The following GCN1 variants were observed in gnomAD, a reference collection of about 807,000 sequenced individuals.
GCN1 encodes the protein GCN1 activator of EIF2AK4.
Under a neutral mutation model 288.4 loss-of-function variants are expected in GCN1, and 90 were observed. The ratio of observed to expected loss-of-function variants is 0.31; its 90% CI spans 0.26 to 0.37. The LOEUF is 0.37. Among genes scored for constraint, GCN1 ranks in the 10% least tolerant of loss-of-function variants. GCN1 has a pLI of 1.00. For synonymous variants in GCN1, 1,386 were observed against 1,420.2 expected (o/e 0.98, Z 0.54); for missense variants, 2,586 against 3,419.9 (o/e 0.76, Z 6.08).
chr12:120,130,347 T>G (rs889233084), intron 56 of GCN1, among the ~76,000 whole-genome samples: 1 of 152,220 alleles, frequency 6.6e-6, no homozygotes, highest in African/African-American at 2.4e-5. Context: ...AACCCAGGTC[T>G]GTATCTAATT....
rs546042907 is a variant in GCN1 at position 120,156,518 on chromosome 12, G to C, written c.3255C>G (p.Asp1085Glu). ...GCAFAEQEEVDVLLCALQSPC... is the reference protein window; with the variant it reads ...GCAFAEQEEVEVLLCALQSPC... ...GGGACTGCAAGGCACAGAGCAGCAC[G>C]TCCACCTCCTCCTGCTCTGCAAAGG... Residue 1085 changes from aspartate (D) to glutamate (E), a missense_variant, in exon 28 of 58, where the codon GAC becomes GAG. Asp to Glu is a conservative substitution (Grantham distance 45). Coordinates refer to ENST00000300648, the MANE Select transcript of GCN1 (RefSeq NM_006836.2). The surrounding 1 kb of genome is among the most constrained non-coding windows in gnomAD (Gnocchi z 5.8). 2 of 1,614,026 alleles carry C rather than the reference G, an allele frequency of 1.2e-6. No homozygotes were observed. Among genetic ancestry groups the C allele is most frequent in the Non-Finnish European group, 1.7e-6 (2 of 1,179,956 alleles).
At chr12:120,190,521 C>A (rs1401861375) in intron 1 of GCN1, 121 bp from the exon 2 acceptor site, 2 of 665,936 alleles carry the variant, frequency 3.0e-6, no homozygotes, top group Non-Finnish European at 5.4e-6. Context: ...AACCTCCCCA[C>A]TGGTGACATT....
chr12:120,129,518 C>T (rs1876743123), intron 56 of GCN1, 24 bp from the exon 57 acceptor site: 1 of 1,549,240 alleles, frequency 6.5e-7, no homozygotes, highest in East Asian at 2.2e-5. Context: ...CACAAACAGG[C>T]TTTTGGATAG....
chr12:120,177,394 A>C, intron 9 of GCN1, 53 bp downstream of exon 9: 1 of 860,258 alleles, frequency 1.2e-6, no homozygotes, highest in Non-Finnish European at 2.0e-6. Flanking sequence ...TATCGAGAAT[A>C]GAGATATAGG....
At chr12:120,174,912 C>T (rs1426910255) in intron 12 of GCN1, among the ~76,000 whole-genome samples, 4 of 151,074 alleles carry the variant, frequency 2.6e-5, no homozygotes, top group South Asian at 2.1e-4. Context: ...GATCACTTGA[C>T]GCCAGGAGTT....
chr12:120,177,409 T>G (rs1878515067), intron 9 of GCN1, 38 bp downstream of exon 9: 1 of 1,013,806 alleles, frequency 9.9e-7, no homozygotes, highest in Non-Finnish European at 1.6e-6. Context: ...TATAGGCAAC[T>G]CATCTCCCTC....
At chr12:120,160,794 C>T (rs76114023) in intron 22 of GCN1, among the ~76,000 whole-genome samples, 9 of 152,282 alleles carry the variant, frequency 5.9e-5, no homozygotes, top group African/African-American at 1.7e-4. Context: ...CCTGCCCTCA[C>T]GGAGCTCACA....
intron 1 of GCN1, 93 bp downstream of exon 1, chr12:120,194,587 G>A (rs1318486605): frequency 2.6e-6 from 3 of 1,154,696 alleles, no homozygotes; most frequent in East Asian, 6.0e-5. Context: ...CACCTCCAAC[G>A]CCCCTAAGCC....
Position 120,130,634 on chromosome 12 carries a change from G to T in GCN1, c.7671+12C>A. 1 of 1,567,630 alleles carries T rather than the reference G, an allele frequency of 6.4e-7. No individual in the cohort carries two copies. Among genetic ancestry groups the T allele is most frequent in the Non-Finnish European group, 8.8e-7 (1 of 1,137,722 alleles). On this transcript the variant is annotated intron_variant, in intron 56 of 57. Coordinates refer to ENST00000300648, the MANE Select transcript of GCN1 (RefSeq NM_006836.2). ...GTGTTAGGGCTTAAACACATGCTTGGCCCCCACTCACCTTAACGAACAGGC... is the reference window on the plus strand; with the variant it reads ...GTGTTAGGGCTTAAACACATGCTTGTCCCCCACTCACCTTAACGAACAGGC...
At chr12:120,170,450 A>C in intron 14 of GCN1, 129 bp from the exon 15 acceptor site, 67 of 768,220 alleles carry the variant, frequency 8.7e-5, no homozygotes, top group Middle Eastern at 3.8e-4. Flanking sequence ...CAAATATCTC[A>C]AAAAGAAGTG....
At position 120,131,810 on chromosome 12, in the gene GCN1, G is replaced by C. The variant is rs1350563679; in HGVS notation, c.7414+116C>G. 1.1e-5 allele frequency: 8 copies of C among 701,030 alleles called. No individual in the cohort carries two copies. The South Asian group carries it at 1.3e-4, about 12-fold the overall frequency. The allele number at this position is 701,030 out of a possible 1,614,324, so 43.4% of individuals were successfully genotyped here. A position where few individuals can be genotyped will look rare whatever the true frequency, so the allele number is the denominator to read the frequency against. ...TTGCTTTAACTGCTGGATTCCCAAGGAAAGGACAGTCCAGTTGCTAAAAGA... is the reference window on the plus strand; with the variant it reads ...TTGCTTTAACTGCTGGATTCCCAAGCAAAGGACAGTCCAGTTGCTAAAAGA... On this transcript the variant is annotated intron_variant, in intron 54 of 57. Coordinates refer to ENST00000300648, the MANE Select transcript of GCN1 (RefSeq NM_006836.2).
In GCN1 at chr12:120,148,104, A is replaced by G. The variant is rs1389204196; in HGVS notation, c.4726+63T>C. 11 of 1,202,284 alleles carry G rather than the reference A, an allele frequency of 9.1e-6. No individual in the cohort carries two copies. In the East Asian group the frequency reaches 9.4e-5, roughly 10 times the overall value. The allele number at this position is 1,202,284 out of a possible 1,614,324, so 74.5% of individuals were successfully genotyped here. A position where few individuals can be genotyped will look rare whatever the true frequency, so the allele number is the denominator to read the frequency against. ...AGCTGAATGGGTGCAAGTTCCCTGC[A>G]GTGTCCAAAGGCTGCGGCGTTGGTG... On this transcript the variant is annotated intron_variant, in intron 37 of 57. Transcript: ENST00000300648.
Position 120,147,197 on chromosome 12 carries a change from T to C in GCN1, c.4802A>G (p.Asp1601Gly). 1 of 1,613,266 alleles carries C rather than the reference T, an allele frequency of 6.2e-7. No homozygotes were observed. Among genetic ancestry groups the C allele is most frequent in the South Asian group, 1.1e-5 (1 of 90,972 alleles). ...KTQKCLQTLL[D>G]TKFVHFIDAP... ...ATCAATGAAGTGGACAAACTTGGTG[T>C]CCAGCAGGGTCTGCAAGCACTTCTG... Residue 1601 changes from aspartate (D) to glycine (G), a missense_variant, in exon 38 of 58, where the codon GAC becomes GGC. Around this residue, in one of 8 missense-constraint regions of GCN1, gnomAD observed 371 missense variants for 572.6 expected, o/e 0.65. Transcript: ENST00000300648.
intron 13 of GCN1, 36 bp from the exon 14 acceptor site, chr12:120,173,862 T>C (rs1217715010): frequency 6.4e-7 from 1 of 1,562,720 alleles, no homozygotes; most frequent in South Asian, 1.1e-5. Flanking sequence ...CAGTCCAATG[T>C]CTTATAACCA....
chr12:120,153,516 C>T lies in GCN1; in HGVS notation c.3868-109G>A. ...CCAAGTCTAGCTCTGGGACAGGCAT[C>T]CTGACATGCCAGCCAGTGGCTCTTC... On this transcript the variant is annotated intron_variant, in intron 32 of 57. Transcript: ENST00000300648. The surrounding 1 kb of genome is among the most constrained non-coding windows in gnomAD (Gnocchi z 4.4). 4.9e-6 allele frequency: 5 copies of T among 1,023,444 alleles called. No homozygotes were observed. Among genetic ancestry groups the T allele is most frequent in the Non-Finnish European group, 7.1e-6 (5 of 702,654 alleles). The allele number at this position is 1,023,444 out of a possible 1,614,324, so 63.4% of individuals were successfully genotyped here. A position where few individuals can be genotyped will look rare whatever the true frequency, so the allele number is the denominator to read the frequency against.
rs1877018954 is a variant in GCN1, at chr12:120,136,800, C to T, written c.6778-68G>A. 4.3e-6 allele frequency: 5 copies of T among 1,152,076 alleles called. No individual in the cohort carries two copies. In the Admixed American group the frequency reaches 9.6e-5, roughly 22 times the overall value. The allele number at this position is 1,152,076 out of a possible 1,614,324, so 71.4% of individuals were successfully genotyped here. A position where few individuals can be genotyped will look rare whatever the true frequency, so the allele number is the denominator to read the frequency against. On this transcript the variant is annotated intron_variant, in intron 50 of 57. Transcript: ENST00000300648. Reference sequence around the variant, plus strand: ...TGGGCCCTGGTGTCTCCCATGCAAGCAAAGTGGTCCTGACAGCTGTCCTCC... The same window carrying T: ...TGGGCCCTGGTGTCTCCCATGCAAGTAAAGTGGTCCTGACAGCTGTCCTCC...
chr12:120,182,159 CAA>C (rs111240044), intron 5 of GCN1, among the ~76,000 whole-genome samples: 1 of 115,966 alleles, frequency 8.6e-6, no homozygotes. Context: ...TCAAAGAAAA[CAA>C]AAAAAAAAAA....
At chr12:120,190,448 T>G in intron 1 of GCN1, 48 bp from the exon 2 acceptor site, 1 of 995,150 alleles carries the variant, frequency 1.0e-6, no homozygotes, top group Non-Finnish European at 1.6e-6. Flanking sequence ...ACTATAAAAC[T>G]ATGAGTGTGT....
intron 14 of GCN1, among the ~76,000 whole-genome samples, chr12:120,171,463 T>C (rs1187901975): frequency 6.6e-6 from 1 of 151,798 alleles, no homozygotes; most frequent in Admixed American, 6.6e-5. Flanking sequence ...AGAAACTCCA[T>C]CTCAAAAAAA....
Sources: gnomAD v4.1 joint callset for allele counts (sites outside exome capture counted in the v4.1 genomes callset) on GRCh38, gnomAD v4.1.1 for gene constraint, gnomAD v4.1.1 regional missense constraint, Gnocchi (gnomAD v3.1) non-coding constraint, MANE v1.5 for transcripts, NCBI Gene and HGNC (gene_info 2026-07-23, HGNC 2026-07-21) for gene names.